ZNF729: variants seen among roughly 807,000 people sequenced by gnomAD.
ZNF729 encodes zinc finger protein 729.
A neutral mutation model predicts 12.2 loss-of-function variants in ZNF729; 15 were observed. The ratio of observed to expected loss-of-function variants is 1.23; its 90% CI spans 0.82 to 1.89. The LOEUF (loss-of-function observed/expected upper bound fraction) is 1.89, where lower values mean the gene tolerates loss of function less well. ZNF729 is among the 40% of genes most tolerant of loss of function. The pLI, the probability that ZNF729 is intolerant of heterozygous loss-of-function variation, is 0.00. For missense variants in ZNF729, 1,540 were observed against 1,456.7 expected (o/e 1.06, Z -0.93); for synonymous variants, 492 against 476.3 (o/e 1.03, Z -0.43).
chr19:22,302,183 G>A (rs1968317654), intron 1 of ZNF729, among the ~76,000 whole-genome samples: 1 of 152,308 alleles, frequency 6.6e-6, no homozygotes, highest in Non-Finnish European at 1.5e-5. Context: ...CAGTTTCTTG[G>A]TACTTGGGTG....
Position 22,315,380 on chromosome 19 carries a change from C to A in ZNF729, c.1963C>A (p.Pro655Thr), listed in dbSNP as rs764991976. 6 of 1,613,354 alleles carry A rather than the reference C, an allele frequency of 3.7e-6. No individual in the cohort carries two copies. Among genetic ancestry groups the A allele is most frequent in the Non-Finnish European group, 5.1e-6 (6 of 1,179,772 alleles). Residue 655 changes from proline (P) to threonine (T), a missense_variant, in exon 4 of 4, where the codon CCT becomes ACT. Transcript: ENST00000601693. Reference sequence around the variant, plus strand: ...TAAAGCAATTCATACTGGAGAGAAACCTTACAAATGTGAAGAATGTGGCAA... The same window carrying A: ...TAAAGCAATTCATACTGGAGAGAAAACTTACAAATGTGAAGAATGTGGCAA... ...RHKAIHTGEK[P>T]YKCEECGKAF...
Position 22,313,858 on chromosome 19 carries a change from A to G in ZNF729, c.441A>G (p.Thr147=), listed in dbSNP as rs199850266. 6 of 1,562,274 alleles carry G rather than the reference A, an allele frequency of 3.8e-6. No homozygotes were observed. The highest frequency in any genetic ancestry group is 5.2e-6 in the Non-Finnish European group (6 of 1,157,990). ...ATAATAAACTTAACCAATGCAGGACAGCTACCCAGAGAAAAATATTTCAGT... is the reference window on the plus strand; with the variant it reads ...ATAATAAACTTAACCAATGCAGGACGGCTACCCAGAGAAAAATATTTCAGT... The part of the protein sequence containing the change: ...EGYNKLNQCR[T]ATQRKIFQCN... Residue 147 remains threonine, a synonymous_variant, in exon 4 of 4, where the codon ACA becomes ACG. Transcript: ENST00000601693.
intron 1 of ZNF729, among the ~76,000 whole-genome samples, chr19:22,300,852 CA>C (rs757708887): frequency 4.7e-4 from 71 of 152,262 alleles, no homozygotes; most frequent in Non-Finnish European, 7.8e-4. Context: ...AAAATGCCCA[CA>C]AATGTGCAGG....
At position 22,316,477 on chromosome 19, in the gene ZNF729, C is replaced by T; in HGVS notation, c.3060C>T (p.Tyr1020=). Residue 1020 remains tyrosine (Y), a synonymous_variant, in exon 4 of 4, where the codon TAC becomes TAT. Coordinates refer to ENST00000601693, the MANE Select transcript of ZNF729 (RefSeq NM_001242680.2). ...TAATTCATACTAGGGAGAAATTGTA[C>T]AAATGTGAAGAATGTGTCAAAGCTT... ...HKLIHTREKL[Y]KCEECVKAFN... The T allele has an allele frequency of 6.2e-7, 1 of 1,613,516 alleles. No homozygotes were observed. The highest frequency in any genetic ancestry group is 1.1e-5 in the South Asian group (1 of 91,038).
At chr19:22,303,066 C>T (rs1030738473) in intron 1 of ZNF729, among the ~76,000 whole-genome samples, 4 of 152,136 alleles carry the variant, frequency 2.6e-5, no homozygotes, top group Admixed American at 6.5e-5. Flanking sequence ...TGAGCTACTG[C>T]GCCTGGCCTT....
chr19:22,312,325 A>G (rs1310326854), intron 3 of ZNF729, among the ~76,000 whole-genome samples: 2 of 152,108 alleles, frequency 1.3e-5, no homozygotes, highest in Non-Finnish European at 2.9e-5. Context: ...CAAAAAAGCT[A>G]CCTGTTGGAA....
At chr19:22,297,202 A>C (rs893412507) in intron 1 of ZNF729, among the ~76,000 whole-genome samples, 1 of 152,004 alleles carries the variant, frequency 6.6e-6, no homozygotes, top group African/African-American at 2.4e-5. Context: ...CTATTGTGTC[A>C]GAATCTACAT....
intron 1 of ZNF729, among the ~76,000 whole-genome samples, chr19:22,296,434 C>T (rs1968231173): frequency 6.6e-6 from 1 of 152,190 alleles, no homozygotes; most frequent in East Asian, 1.9e-4. Context: ...TAGTAGACTT[C>T]AATAGTTATT....
chr19:22,301,037 T>C (rs1160939371), intron 1 of ZNF729, among the ~76,000 whole-genome samples: 18 of 151,922 alleles, frequency 1.2e-4, no homozygotes, highest in Admixed American at 9.8e-4. Flanking sequence ...TTTCTCTTTT[T>C]GTTTTTTGAA....
Position 22,298,025 on chromosome 19 carries a change from A to C in ZNF729, c.31-5733A>C, listed in dbSNP as rs895328996. On this transcript the variant is annotated intron_variant, in intron 1 of 3. Coordinates refer to ENST00000601693, the MANE Select transcript of ZNF729 (RefSeq NM_001242680.2). ...CATCTCAAAAAAAAAAAAAAAAAAAAAACACAAAACATTGAGCACAAAGAT... is the reference window on the plus strand; with the variant it reads ...CATCTCAAAAAAAAAAAAAAAAAAACAACACAAAACATTGAGCACAAAGAT... Among the ~76,000 whole-genome samples, 14 of 150,736 alleles carry C rather than the reference A, an allele frequency of 9.3e-5. No individual in the cohort carries two copies. In the East Asian group the frequency reaches 2.7e-3, roughly 29 times the overall value.
At chr19:22,286,675 C>T in intron 1 of ZNF729, 120 bp downstream of exon 1, 3 of 1,305,616 alleles carry the variant, frequency 2.3e-6, no homozygotes, top group Non-Finnish European at 2.2e-6. Flanking sequence ...GCCTGGAGTT[C>T]TTTCCCATCT....
chr19:22,298,206 T>C (rs1968257435), intron 1 of ZNF729, among the ~76,000 whole-genome samples: 1 of 152,074 alleles, frequency 6.6e-6, no homozygotes, highest in Non-Finnish European at 1.5e-5. Flanking sequence ...TCTTCAGTAG[T>C]ATGAATATAA....
intron 3 of ZNF729, among the ~76,000 whole-genome samples, chr19:22,311,595 T>A (rs1045410881): frequency 3.3e-5 from 5 of 152,144 alleles, no homozygotes; most frequent in Non-Finnish European, 7.4e-5. Context: ...TTATTGAGGT[T>A]CATTTTGGGG....
chr19:22,311,566 A>G (rs528293652), intron 3 of ZNF729, among the ~76,000 whole-genome samples: 1 of 152,220 alleles, frequency 6.6e-6, no homozygotes, highest in Non-Finnish European at 1.5e-5. Flanking sequence ...TGCTTGATAT[A>G]ATTTCAGTTC....
chr19:22,311,439 C>T (rs1467841486), intron 3 of ZNF729, among the ~76,000 whole-genome samples: 2 of 152,020 alleles, frequency 1.3e-5, no homozygotes, highest in African/African-American at 4.8e-5. Context: ...ATTTTGATTT[C>T]ATATTTGACC....
At chr19:22,306,852 A>G (rs1326470455) in intron 3 of ZNF729, among the ~76,000 whole-genome samples, 2 of 151,604 alleles carry the variant, frequency 1.3e-5, no homozygotes, top group Non-Finnish European at 2.9e-5. Context: ...AAGAAATTTT[A>G]TATATGTCTG....
chr19:22,309,658 T>C (rs973706810), intron 3 of ZNF729, among the ~76,000 whole-genome samples: 1 of 152,152 alleles, frequency 6.6e-6, no homozygotes, highest in Non-Finnish European at 1.5e-5. Context: ...AGATTTGTTC[T>C]TTTTGCTTTG....
rs1312261941 is a variant in ZNF729 at position 22,315,989 on chromosome 19, G to T, written c.2572G>T (p.Gly858Cys). 6.2e-7 allele frequency: 1 copy of T among 1,611,222 alleles called. No individual in the cohort carries two copies. The highest frequency in any genetic ancestry group is 8.5e-7 in the Non-Finnish European group (1 of 1,179,782). ...GAAACCCTACAAATGTGAAGAATGT[G>T]GCAAAGCTTTTAGCCAATCCTCATC... is the stretch of plus-strand genomic sequence containing the variant. Reference protein sequence around the residue: ...GKKPYKCEECGKAFSQSSSLR... With the variant: ...GKKPYKCEECCKAFSQSSSLR... The change falls in exon 4 of 4, where the codon GGC becomes TGC. Residue 858 changes from glycine (G) to cysteine (C), a missense_variant. Gly to Cys is a radical substitution (Grantham distance 159, BLOSUM62 -3). Transcript: ENST00000601693.
rs1314943318 is a variant in ZNF729 at position 22,316,362 on chromosome 19, A to T, written c.2945A>T (p.His982Leu). The T allele has an allele frequency of 1.2e-6, 2 of 1,613,772 alleles. No individual in the cohort carries two copies. The highest frequency in any genetic ancestry group is 1.7e-6 in the Non-Finnish European group (2 of 1,179,756). ...AAGCAATCCTCACATCTTACTAGAC[A>T]TAAAGCAATTCATACTGGGGAGAAA... is the stretch of plus-strand genomic sequence containing the variant. ...AFKQSSHLTRHKAIHTGEKPY... is the reference protein window; with the variant it reads ...AFKQSSHLTRLKAIHTGEKPY... The change falls in exon 4 of 4, where the codon CAT (histidine) becomes CTT (leucine). Residue 982 changes from histidine (H) to leucine (L), a missense_variant. Coordinates refer to ENST00000601693, the MANE Select transcript of ZNF729 (RefSeq NM_001242680.2).
Sources: gnomAD v4.1 joint callset for allele counts (sites outside exome capture counted in the v4.1 genomes callset) on GRCh38, gnomAD v4.1.1 for gene constraint, MANE v1.5 for transcripts, NCBI Gene and HGNC (gene_info 2026-07-23, HGNC 2026-07-21) for gene names.